Variants in AGBL4 observed in about 807,000 individuals in gnomAD.
AGBL4 encodes cytosolic carboxypeptidase 6.
In AGBL4, 58 loss-of-function variants were observed where a neutral mutation model predicts 66.4. The observed-to-expected ratio is 0.87, with a 90% CI of 0.71 to 1.09. The LOEUF (loss-of-function observed/expected upper bound fraction) is 1.09, where lower values mean the gene tolerates loss of function less well. AGBL4 is among the 50% of genes least tolerant of loss of function. AGBL4 has a pLI of 0.00. For synonymous variants in AGBL4, 234 were observed against 222.9 expected, an observed-to-expected ratio of 1.05 and a Z score of -0.44; for missense variants, 579 against 631.0, an observed-to-expected ratio of 0.92 and a Z score of 0.88.
At chr1:49,019,844 T>C (rs1663107370) in intron 5 of AGBL4, among the ~76,000 whole-genome samples, 1 of 152,218 alleles carries the variant, frequency 6.6e-6, no homozygotes, top group Non-Finnish European at 1.5e-5. Flanking sequence ...ATTAGCTGTG[T>C]GATTTTAGGC....
At chr1:49,200,664 C>T (rs140442508) in intron 4 of AGBL4, among the ~76,000 whole-genome samples, 3,158 of 152,212 alleles carry the variant, frequency 0.021, 38 homozygotes, top group Non-Finnish European at 0.03. Flanking sequence ...TTTATTATAA[C>T]GGGTGTTACA....
At chr1:49,881,416 T>G (rs1557544396) in intron 1 of AGBL4, among the ~76,000 whole-genome samples, 1 of 152,084 alleles carries the variant, frequency 6.6e-6, no homozygotes, top group Non-Finnish European at 1.5e-5. Flanking sequence ...ATGGGATGGC[T>G]GGGTCAAATG....
intron 3 of AGBL4, among the ~76,000 whole-genome samples, chr1:49,479,945 G>C (rs1646922515): frequency 6.6e-6 from 1 of 151,712 alleles, no homozygotes; most frequent in Non-Finnish European, 1.5e-5. Context: ...CTGACCTCGT[G>C]ATCCACCCGC....
chr1:49,677,673 C>T (rs1483043261), intron 3 of AGBL4, among the ~76,000 whole-genome samples: 1 of 152,048 alleles, frequency 6.6e-6, no homozygotes, highest in African/African-American at 2.4e-5. Context: ...TGAATTGTGA[C>T]CCCCAAAATT....
At chr1:48,772,314 G>A (rs1284099238) in intron 6 of AGBL4, among the ~76,000 whole-genome samples, 4 of 152,220 alleles carry the variant, frequency 2.6e-5, no homozygotes, top group Admixed American at 2.6e-4. Context: ...TACCACTGAA[G>A]CAAGGTCTCC....
At chr1:49,881,279 A>C (rs1427880932) in intron 1 of AGBL4, among the ~76,000 whole-genome samples, 1 of 152,016 alleles carries the variant, frequency 6.6e-6, no homozygotes, top group Non-Finnish European at 1.5e-5. Context: ...TTCTTAATCC[A>C]GTCTATCATT....
chr1:48,648,741 TTG>T (rs764683883), intron 8 of AGBL4, among the ~76,000 whole-genome samples: 2 of 152,340 alleles, frequency 1.3e-5, no homozygotes, highest in Non-Finnish European at 2.9e-5. Flanking sequence ...AAATGTGGTT[TTG>T]TAAGTGCCTT....
chr1:49,272,125 T>A (rs1209353006), intron 3 of AGBL4, among the ~76,000 whole-genome samples: 1 of 152,222 alleles, frequency 6.6e-6, no homozygotes, highest in Non-Finnish European at 1.5e-5. Context: ...AACATGCAGT[T>A]TAAATACTTA....
Position 49,605,348 on chromosome 1 carries a change from C to T in AGBL4, c.282+91965G>A, listed in dbSNP as rs1044585518. 5.9e-5 allele frequency among the ~76,000 whole-genome samples: 9 copies of T among 152,200 alleles called. No individual in the cohort carries two copies. In the East Asian group the frequency reaches 1.7e-3, roughly 29 times the overall value. On this transcript the variant is annotated intron_variant, in intron 3 of 13. Transcript: ENST00000371839. ...CTTTTTTGTTGAATTCTTAGGTCAG[C>T]ATGATTTATCTCTGCTGTGACAGTT...
rs540798877 is a variant in AGBL4 at position 49,911,838 on chromosome 1, C to T, written c.35-60320G>A. On this transcript the variant is annotated intron_variant, in intron 1 of 13. Transcript: ENST00000371839. ...AATAGTGCACTGGTGAAAAGGCTCA[C>T]CTACCCCCTTACATTGGTCTTGGCA... 3.3e-5 allele frequency among the ~76,000 whole-genome samples: 5 copies of T among 152,308 alleles called. No individual in the cohort carries two copies. The South Asian group carries it at 1.0e-3, about 32-fold the overall frequency.
At chr1:48,994,092 A>G (rs1241528981) in intron 5 of AGBL4, among the ~76,000 whole-genome samples, 4 of 152,072 alleles carry the variant, frequency 2.6e-5, no homozygotes, top group Non-Finnish European at 5.9e-5. Flanking sequence ...AAGACCCTTC[A>G]GTCTTGATTC....
intron 6 of AGBL4, among the ~76,000 whole-genome samples, chr1:48,800,914 C>T (rs545444688): frequency 2.0e-5 from 3 of 150,932 alleles, no homozygotes; most frequent in South Asian, 4.2e-4. Context: ...TGCCAGGGCA[C>T]GTAGAGAAAA....
chr1:49,656,475 A>G (rs1317058226), intron 3 of AGBL4, among the ~76,000 whole-genome samples: 1 of 152,198 alleles, frequency 6.6e-6, no homozygotes, highest in African/African-American at 2.4e-5. Context: ...CAATCAATAG[A>G]AAAAGAGGGA....
At chr1:48,939,717 A>G (rs1655792716) in intron 5 of AGBL4, among the ~76,000 whole-genome samples, 1 of 152,206 alleles carries the variant, frequency 6.6e-6, no homozygotes, top group Non-Finnish European at 1.5e-5. Context: ...CCATGTAGGC[A>G]AGTGGGGGCC....
At chr1:48,581,901 C>T (rs568878880) in intron 11 of AGBL4, among the ~76,000 whole-genome samples, 46 of 152,334 alleles carry the variant, frequency 3.0e-4, no homozygotes, top group African/African-American at 9.1e-4. Context: ...GACTCTGACA[C>T]CAGCACTGTA....
At position 49,046,534 on chromosome 1, in the gene AGBL4, A is replaced by G. The variant is rs139987823; in HGVS notation, c.378-734T>C. On this transcript the variant is annotated intron_variant, in intron 4 of 13. Transcript: ENST00000371839. ...CACTGAGATGCAAACAGGAAACAAA[A>G]ATGTTGCAGTCATAGTTTCCATAAT... is the stretch of plus-strand genomic sequence containing the variant. Among the ~76,000 whole-genome samples the G allele has an allele frequency of 1.8e-3, 280 of 152,270 alleles. 2 individuals are homozygous for G. The highest frequency in any genetic ancestry group is 6.4e-3 in the African/African-American group (266 of 41,562).
chr1:48,542,528 G>T (rs945946399), intron 11 of AGBL4, among the ~76,000 whole-genome samples: 2 of 152,112 alleles, frequency 1.3e-5, no homozygotes, highest in African/African-American at 4.8e-5. Flanking sequence ...TTTAACGATC[G>T]CCATTCTAAC....
chr1:49,129,318 T>G (rs2148063655), intron 4 of AGBL4, among the ~76,000 whole-genome samples: 1 of 152,164 alleles, frequency 6.6e-6, no homozygotes, highest in South Asian at 2.1e-4. Context: ...TTTTTTCATT[T>G]TATTATTATT....
intron 3 of AGBL4, among the ~76,000 whole-genome samples, chr1:49,308,493 A>T (rs1644888428): frequency 6.6e-6 from 1 of 152,020 alleles, no homozygotes; most frequent in African/African-American, 2.4e-5. Flanking sequence ...CAGTTCTCTA[A>T]TGTTAACAGC....
Sources: allele counts gnomAD v4.1 joint callset (sites outside exome capture counted in the v4.1 genomes callset), GRCh38; gene constraint gnomAD v4.1.1; transcripts MANE v1.5; gene names NCBI Gene and HGNC (gene_info 2026-07-23, HGNC 2026-07-21).